The following QRICH2 variants were observed in gnomAD, a reference collection of about 807,000 sequenced individuals.
The protein encoded by QRICH2 is glutamine-rich protein 2.
Under a neutral mutation model 168.3 loss-of-function variants are expected in QRICH2, and 119 were observed. The ratio of observed to expected loss-of-function variants is 0.71; its 90% CI spans 0.61 to 0.82. QRICH2 has a LOEUF of 0.82. QRICH2 is among the 40% of genes least tolerant of loss of function. The probability of loss-of-function intolerance (pLI) is 0.00; values close to 1 mark genes in which losing one functional copy is unlikely to be tolerated. For missense variants in QRICH2, 2,241 were observed against 2,491.6 expected (o/e 0.90, Z 2.14); for synonymous variants, 894 against 951.2 (o/e 0.94, Z 1.11).
chr17:76,296,876 C>T (rs775459316), intron 3 of QRICH2, among the ~76,000 whole-genome samples: 1 of 151,960 alleles, frequency 6.6e-6, no homozygotes, highest in Non-Finnish European at 1.5e-5. Flanking sequence ...GAGTGATGAG[C>T]ACGCATTTGA....
chr17:76,280,853 C>A lies in QRICH2; in HGVS notation c.4364G>T (p.Arg1455Leu). ...CACAGCAATGTCCTTCTGTTTCTGC[C>A]GATGGTCCTCGATGAGGTTGCTGGT... ...ITTSNLIEDH[R>L]QKQKDIAMLY... Residue 1455 changes from arginine (R) to leucine (L), a missense_variant, in exon 9 of 19, where the codon CGG becomes CTG. Arg to Leu is a moderately radical substitution (Grantham distance 102, BLOSUM62 -2). Coordinates refer to ENST00000680821, the MANE Select transcript of QRICH2 (RefSeq NM_001388453.1). This position sits in a 1 kb window ranked among gnomAD's most constrained non-coding sequence, Gnocchi z 7.4. 6.2e-7 allele frequency: 1 copy of A among 1,613,842 alleles called. No homozygotes were observed.
intron 1 of QRICH2, among the ~76,000 whole-genome samples, chr17:76,305,961 G>T (rs111367944): frequency 3.3e-5 from 5 of 151,986 alleles, no homozygotes; most frequent in Admixed American, 1.3e-4. Context: ...CTTTAGGTCA[G>T]GAGTTCGAGA....
In QRICH2 at chr17:76,291,500, T is replaced by C; in HGVS notation, c.3227A>G (p.Gln1076Arg). ...ACCTGGGCCAGGTGATGCCACATGCTGTTGATCTGGGTGTGTAGATCCCAA... is the reference window on the plus strand; with the variant it reads ...ACCTGGGCCAGGTGATGCCACATGCCGTTGATCTGGGTGTGTAGATCCCAA... ...TGLGSTHPDQ[Q>R]HVASPGPGEH... The change falls in exon 4 of 19, where the codon CAG (glutamine) becomes CGG (arginine). Residue 1076 changes from glutamine to arginine, a missense_variant. Transcript: ENST00000680821. The C allele has an allele frequency of 6.2e-7, 1 of 1,614,056 alleles. No individual in the cohort carries two copies. Among genetic ancestry groups the C allele is most frequent in the African/African-American group, 1.3e-5 (1 of 75,036 alleles).
At chr17:76,297,735 T>G (rs1568123491) in intron 3 of QRICH2, among the ~76,000 whole-genome samples, 1 of 152,032 alleles carries the variant, frequency 6.6e-6, no homozygotes, top group Non-Finnish European at 1.5e-5. Flanking sequence ...GCACACACTT[T>G]AGAGACAGGG....
chr17:76,294,934 T>G (rs528004977), intron 3 of QRICH2, among the ~76,000 whole-genome samples: 1 of 151,930 alleles, frequency 6.6e-6, no homozygotes, highest in African/African-American at 2.4e-5. Context: ...TTATTAAGTT[T>G]AAAATATAAA....
chr17:76,301,985 G>A (rs1294979568), intron 3 of QRICH2, among the ~76,000 whole-genome samples: 3 of 151,550 alleles, frequency 2.0e-5, no homozygotes, highest in Non-Finnish European at 4.4e-5. Context: ...CTGCAACTTC[G>A]TTTCCCGGGT....
rs570413303 is a variant in QRICH2 at position 76,281,219 on chromosome 17, G to T, written c.4264-266C>A. On this transcript the variant is annotated intron_variant, in intron 8 of 18. Coordinates refer to ENST00000680821, the MANE Select transcript of QRICH2 (RefSeq NM_001388453.1). The surrounding 1 kb of genome is among the most constrained non-coding windows in gnomAD (Gnocchi z 4.4). ...AAACAATTTTCCACTAACAGTGCGG[G>T]AGGCCCTCTGTCTGCCCTTTCTGGG... Among the ~76,000 whole-genome samples, 70 of 152,294 alleles carry T rather than the reference G, an allele frequency of 4.6e-4. No homozygotes were observed. Among genetic ancestry groups the T allele is most frequent in the Admixed American group, 6.5e-4 (10 of 15,290 alleles).
At position 76,304,459 on chromosome 17, in the gene QRICH2, C is replaced by T. The variant is rs751430305; in HGVS notation, c.661G>A (p.Glu221Lys). The change falls in exon 3 of 19, where the codon GAG becomes AAG. Residue 221 changes from glutamate (E) to lysine (K), a missense_variant. Around this residue, in one of 3 missense-constraint regions of QRICH2, gnomAD observed 2,047 missense variants for 2,303.8 expected, o/e 0.89. Coordinates refer to ENST00000680821, the MANE Select transcript of QRICH2 (RefSeq NM_001388453.1). ...AEEVTMVTWEELEQAITDGWR... is the reference protein window; with the variant it reads ...AEEVTMVTWEKLEQAITDGWR... ...CCGTCCGTAATCGCCTGCTCCAGCT[C>T]TTCCCAGGTGACCATGGTGACTTCT... 1 of 1,613,754 alleles carries T rather than the reference C, an allele frequency of 6.2e-7. No homozygotes were observed. Among genetic ancestry groups the T allele is most frequent in the Non-Finnish European group, 8.5e-7 (1 of 1,180,020 alleles).
chr17:76,294,485 C>A (rs164106), intron 3 of QRICH2, among the ~76,000 whole-genome samples: 80,177 of 151,842 alleles, frequency 0.53, 23,252 homozygotes, highest in African/African-American at 0.78. Context: ...ATTTTTGAGA[C>A]TCTGCATATT....
At chr17:76,295,290 T>A (rs887073815) in intron 3 of QRICH2, among the ~76,000 whole-genome samples, 2 of 151,528 alleles carry the variant, frequency 1.3e-5, no homozygotes, top group African/African-American at 4.8e-5. Flanking sequence ...AAATAAAATA[T>A]AAAGTTTGCT....
intron 3 of QRICH2, among the ~76,000 whole-genome samples, chr17:76,296,637 G>A (rs78639495): frequency 3.3e-5 from 5 of 152,072 alleles, no homozygotes; most frequent in African/African-American, 1.2e-4. Flanking sequence ...AGTTAGCCAG[G>A]CACAGTGGCA....
At chr17:76,277,354 G>C in intron 15 of QRICH2, 44 bp from the exon 16 acceptor site, 1 of 1,595,316 alleles carries the variant, frequency 6.3e-7, no homozygotes, top group Non-Finnish European at 8.5e-7. Flanking sequence ...AGACCACCAG[G>C]GATGTCACCT....
chr17:76,280,242 G>A lies in QRICH2; in HGVS notation c.4626+45C>T. 5 of 1,611,036 alleles carry A rather than the reference G, an allele frequency of 3.1e-6. No individual in the cohort carries two copies. The highest frequency in any genetic ancestry group is 2.7e-5 in the African/African-American group (2 of 75,020). On this transcript the variant is annotated intron_variant, in intron 11 of 18. Coordinates refer to ENST00000680821, the MANE Select transcript of QRICH2 (RefSeq NM_001388453.1). The surrounding 1 kb of genome is among the most constrained non-coding windows in gnomAD (Gnocchi z 7.4). ...GAAGGTGGTGCTGTCCCGATCCTGG[G>A]GGCAAGGCTGTGGGATGGAGAGCCC...
intron 7 of QRICH2, among the ~76,000 whole-genome samples, 187 bp downstream of exon 7, chr17:76,287,005 T>G (rs2070896100): frequency 6.9e-6 from 1 of 144,554 alleles, no homozygotes; most frequent in South Asian, 2.2e-4. Flanking sequence ...CTGGACACAT[T>G]CGCCACCGCC....
chr17:76,280,861 C>G lies in QRICH2; in HGVS notation c.4356G>C (p.Glu1452Asp), dbSNP rs755110442. Reference sequence around the variant, plus strand: ...TGTCCTTCTGTTTCTGCCGATGGTCCTCGATGAGGTTGCTGGTGGTGATGT... The same window carrying G: ...TGTCCTTCTGTTTCTGCCGATGGTCGTCGATGAGGTTGCTGGTGGTGATGT... ...KLNITTSNLI[E>D]DHRQKQKDIA... Residue 1452 changes from glutamate (E) to aspartate (D), a missense_variant, in exon 9 of 19, where the codon GAG becomes GAC. By Grantham distance (45) the Glu-to-Asp change is conservative (BLOSUM62 2). Coordinates refer to ENST00000680821, the MANE Select transcript of QRICH2 (RefSeq NM_001388453.1). The surrounding 1 kb of genome is among the most constrained non-coding windows in gnomAD (Gnocchi z 7.4). The G allele has an allele frequency of 6.2e-6, 10 of 1,613,732 alleles. No homozygotes were observed. The African/African-American group carries it at 1.3e-4, about 22-fold the overall frequency.
At position 76,276,661 on chromosome 17, in the gene QRICH2, G is replaced by A. The variant is rs1286209437; in HGVS notation, c.5353+19C>T. On this transcript the variant is annotated intron_variant, in intron 17 of 18. Transcript: ENST00000680821. ...TGGGACCCACGTGAGGTGCCTGGGG[G>A]CCTCTGGACTCCACTCACTGTCTTT... The A allele has an allele frequency of 3.1e-6, 5 of 1,603,344 alleles. No homozygotes were observed. The highest frequency in any genetic ancestry group is 4.5e-5 in the East Asian group (2 of 44,828).
rs1442079538 is a variant in QRICH2 at position 76,280,403 on chromosome 17, C to A, written c.4510G>T (p.Asp1504Tyr). The A allele has an allele frequency of 6.2e-7, 1 of 1,614,190 alleles. No individual in the cohort carries two copies. The change falls in exon 11 of 19, where the codon GAT becomes TAT. Residue 1504 changes from aspartate (D) to tyrosine (Y), a missense_variant. This residue lies in a region of QRICH2 where 2,047 missense variants were observed against 2,303.8 expected (regional missense o/e 0.89). Coordinates refer to ENST00000680821, the MANE Select transcript of QRICH2 (RefSeq NM_001388453.1). The surrounding 1 kb of genome is among the most constrained non-coding windows in gnomAD (Gnocchi z 7.4). ...LATKVSRVQF[D>Y]ATTEQLNHMM... is the part of the protein sequence containing the mutation. The stretch of plus-strand genomic sequence containing the variant: ...TGGTTCAGCTGCTCCGTGGTGGCAT[C>A]AAACTGGACACGGCTCACTTTGGTG...
At chr17:76,285,713 G>T (rs1297733665) in intron 7 of QRICH2, among the ~76,000 whole-genome samples, 1 of 151,798 alleles carries the variant, frequency 6.6e-6, no homozygotes, top group Non-Finnish European at 1.5e-5. Context: ...CCTGGGCATG[G>T]TGGCAGGCAC....
rs565549978 is a variant in QRICH2 at position 76,288,653 on chromosome 17, C to T, written c.3799-756G>A. Among the ~76,000 whole-genome samples, 80 of 151,866 alleles carry T rather than the reference C, an allele frequency of 5.3e-4. 1 individual carries two copies. The highest frequency in any genetic ancestry group is 6.8e-3 in the Middle Eastern group (2 of 294). On this transcript the variant is annotated intron_variant, in intron 5 of 18. Transcript: ENST00000680821. The stretch of plus-strand genomic sequence containing the variant: ...CCAGGGGGCAGAGGTTGCAGTGAGC[C>T]GAGATCGCATCATTGCACTCTAGCC...
Sources: allele counts gnomAD v4.1 joint callset (sites outside exome capture counted in the v4.1 genomes callset), GRCh38; gene constraint gnomAD v4.1.1; regional missense constraint gnomAD v4.1.1; non-coding constraint Gnocchi (gnomAD v3.1); transcripts MANE v1.5; gene names NCBI Gene and HGNC (gene_info 2026-07-23, HGNC 2026-07-21).